FGF14: variants seen among roughly 807,000 people sequenced by gnomAD.
FGF14 encodes the protein fibroblast growth factor homologous factor 4.
FGF14 carries 5 observed loss-of-function variants against 25.5 expected under a neutral mutation model. The observed-to-expected ratio is 0.20, with a 90% CI of 0.10 to 0.41. FGF14 has a LOEUF of 0.41. FGF14 is among the 10% of genes least tolerant of loss of function. The pLI is 1.00. For missense variants in FGF14, 222 were observed against 320.1 expected (o/e 0.69, Z 2.34); for synonymous variants, 138 against 118.3 (o/e 1.17, Z -1.08).
chr13:101,874,922 A>G (rs1465494932), intron 2 of FGF14, among the ~76,000 whole-genome samples: 2 of 152,152 alleles, frequency 1.3e-5, no homozygotes, highest in East Asian at 3.8e-4. Flanking sequence ...TAAAAGTAAC[A>G]GTAATTTTCT....
At chr13:101,910,963 C>CCT (rs1476481958) in intron 1 of FGF14, among the ~76,000 whole-genome samples, 1 of 149,758 alleles carries the variant, frequency 6.7e-6, no homozygotes, top group African/African-American at 2.5e-5. Context: ...ATATCATAGT[C>CCT]CTCTTTGGCT....
chr13:101,947,136 T>C (rs990515987), intron 1 of FGF14, among the ~76,000 whole-genome samples: 3 of 152,182 alleles, frequency 2.0e-5, no homozygotes, highest in Non-Finnish European at 4.4e-5. Flanking sequence ...CACAATGAGA[T>C]ACCATCTCAC....
At chr13:102,168,172 A>T (rs1204720964) in intron 1 of FGF14, among the ~76,000 whole-genome samples, 1 of 152,146 alleles carries the variant, frequency 6.6e-6, no homozygotes, top group East Asian at 1.9e-4. Context: ...AGTGCTGCTG[A>T]TTATGGCATT....
chr13:101,883,902 T>C (rs1240892689), intron 1 of FGF14, among the ~76,000 whole-genome samples: 1 of 150,320 alleles, frequency 6.7e-6, no homozygotes, highest in Non-Finnish European at 1.5e-5. Context: ...ATCTCTACTA[T>C]AAATGCAAAA....
chr13:101,989,074 T>G lies in FGF14; in HGVS notation c.209-113778A>C, dbSNP rs138836482. ...CCAGTCTTCCTCAGTTTTTCAATCTTTCTGGCACTAAAAGTGATTTAAAAA... is the reference window on the plus strand; with the variant it reads ...CCAGTCTTCCTCAGTTTTTCAATCTGTCTGGCACTAAAAGTGATTTAAAAA... On this transcript the variant is annotated intron_variant, in intron 1 of 4. Coordinates refer to the FGF14 transcript ENST00000376131. 4.6e-4 allele frequency among the ~76,000 whole-genome samples: 70 copies of G among 152,140 alleles called. No homozygotes were observed. In the Middle Eastern group the frequency reaches 0.014, roughly 30 times the overall value.
intron 1 of FGF14, among the ~76,000 whole-genome samples, chr13:102,027,991 C>T (rs1490383638): frequency 2.6e-5 from 4 of 151,916 alleles, no homozygotes; most frequent in Non-Finnish European, 5.9e-5. Context: ...CAGAGTGTGG[C>T]CACCTCTGGG....
At chr13:101,859,395 A>G (rs1379770608) in intron 3 of FGF14, among the ~76,000 whole-genome samples, 4 of 152,066 alleles carry the variant, frequency 2.6e-5, no homozygotes, top group African/African-American at 9.7e-5. Flanking sequence ...TTGGACTTTC[A>G]GGTTTTTGTT....
chr13:102,161,516 C>G (rs1280471000), intron 1 of FGF14, among the ~76,000 whole-genome samples: 1 of 151,058 alleles, frequency 6.6e-6, no homozygotes, highest in Non-Finnish European at 1.5e-5. Context: ...AAGGAAAACT[C>G]TTATCTTAGT....
intron 1 of FGF14, among the ~76,000 whole-genome samples, chr13:102,142,784 C>T (rs2046695581): frequency 6.6e-6 from 1 of 152,144 alleles, no homozygotes; most frequent in East Asian, 1.9e-4. Flanking sequence ...CAAAATGTAG[C>T]TTGTCTTCAC....
intron 1 of FGF14, chr13:102,003,455 C>A (rs1356396961): frequency 6.6e-6 from 1 of 152,150 alleles, no homozygotes; most frequent in African/African-American, 2.4e-5. Context: ...TAATGGTGGG[C>A]AGGGCAGTGT....
intron 1 of FGF14, among the ~76,000 whole-genome samples, chr13:102,169,605 A>G (rs574635425): frequency 4.2e-4 from 64 of 152,324 alleles, no homozygotes; most frequent in African/African-American, 1.3e-3. Context: ...TTACAGAACC[A>G]TATTTGCAAA....
intron 1 of FGF14, among the ~76,000 whole-genome samples, chr13:102,392,560 C>T (rs1052009866): frequency 6.6e-6 from 1 of 152,194 alleles, no homozygotes; most frequent in Non-Finnish European, 1.5e-5. Context: ...CTCCTACTTG[C>T]TGTTAAAAGC....
intron 1 of FGF14, among the ~76,000 whole-genome samples, chr13:102,018,623 C>CTCT (rs372968264): frequency 2.0e-4 from 31 of 151,568 alleles, no homozygotes; most frequent in African/African-American, 7.3e-4. Flanking sequence ...GCCCTGAGGT[C>CTCT]TCTTCTTCTT....
intron 1 of FGF14, among the ~76,000 whole-genome samples, chr13:102,157,139 C>A (rs1297206283): frequency 1.3e-5 from 2 of 152,114 alleles, no homozygotes; most frequent in Non-Finnish European, 2.9e-5. Context: ...ACTTTCTTCA[C>A]AGAATTGGAA....
chr13:102,121,067 G>C (rs150258329), intron 1 of FGF14, among the ~76,000 whole-genome samples: 135 of 152,296 alleles, frequency 8.9e-4, no homozygotes, highest in African/African-American at 3.0e-3. Context: ...AAGGTACTCA[G>C]GCCAGAATGA....
At chr13:102,286,546 A>G (rs183371381) in intron 1 of FGF14, among the ~76,000 whole-genome samples, 1 of 152,294 alleles carries the variant, frequency 6.6e-6, no homozygotes, top group Admixed American at 6.5e-5. Flanking sequence ...TGCTTAACTC[A>G]TAGTGCTCAT....
At chr13:102,376,358 A>G (rs2058040357) in intron 1 of FGF14, among the ~76,000 whole-genome samples, 1 of 152,196 alleles carries the variant, frequency 6.6e-6, no homozygotes, top group African/African-American at 2.4e-5. Context: ...ACTGTGAGTC[A>G]ATTAAACCTC....
At chr13:101,820,109 C>T (rs1303938464) in intron 3 of FGF14, among the ~76,000 whole-genome samples, 3 of 152,128 alleles carry the variant, frequency 2.0e-5, no homozygotes, top group African/African-American at 7.2e-5. Flanking sequence ...ATGGGACTTG[C>T]TCATTGGCCC....
intron 1 of FGF14, among the ~76,000 whole-genome samples, chr13:102,162,117 G>A (rs2047804418): frequency 6.6e-6 from 1 of 152,106 alleles, no homozygotes; most frequent in Admixed American, 6.6e-5. Context: ...TAAGAGGAGG[G>A]ACTAGAACAA....
Sources: allele counts gnomAD v4.1 joint callset (sites outside exome capture counted in the v4.1 genomes callset), GRCh38; gene constraint gnomAD v4.1.1; transcripts MANE v1.5; gene names NCBI Gene and HGNC (gene_info 2026-07-23, HGNC 2026-07-21).